Variants in KANSL1 observed in about 807,000 individuals in gnomAD.
KANSL1 encodes the protein KAT8 regulatory NSL complex subunit 1, also known as MLL1/MLL complex subunit KANSL1.
KANSL1 carries 22 observed loss-of-function variants against 103.6 expected under a neutral mutation model. The ratio of observed to expected loss-of-function variants is 0.21; its 90% CI spans 0.15 to 0.30. The LOEUF is 0.30. KANSL1 is among the 10% of genes least tolerant of loss of function. KANSL1 has a pLI of 1.00. For synonymous variants in KANSL1, 600 were observed against 527.6 expected (o/e 1.14, Z -1.88); for missense variants, 1,337 against 1,399.8 (o/e 0.96, Z 0.72).
chr17:46,130,638 A>G (rs1314466441), intron 2 of KANSL1, among the ~76,000 whole-genome samples: 1 of 152,236 alleles, frequency 6.6e-6, no homozygotes, highest in African/African-American at 2.4e-5. Flanking sequence ...GAACACTACA[A>G]TAGCAACAAA....
At chr17:46,067,996 T>C (rs1310071908) in intron 4 of KANSL1, among the ~76,000 whole-genome samples, 3 of 151,940 alleles carry the variant, frequency 2.0e-5, no homozygotes, top group Non-Finnish European at 4.4e-5. Flanking sequence ...AATATTATAT[T>C]AGCTTTTGCT....
chr17:46,109,891 A>G (rs9303525), intron 2 of KANSL1, among the ~76,000 whole-genome samples: 34,420 of 151,916 alleles, frequency 0.23, 4,474 homozygotes, highest in African/African-American at 0.32. Context: ...AACAGGAACC[A>G]GAGACCCAAG....
intron 3 of KANSL1, chr17:46,093,754 T>G (rs2079507743): frequency 6.6e-6 from 1 of 152,246 alleles, no homozygotes; most frequent in South Asian, 2.1e-4. Context: ...CAATAGACTT[T>G]TTCTAGACAT....
At chr17:46,105,281 G>A (rs1471564855) in intron 2 of KANSL1, among the ~76,000 whole-genome samples, 2 of 152,234 alleles carry the variant, frequency 1.3e-5, no homozygotes, top group Non-Finnish European at 2.9e-5. Context: ...ACTGAGGTTA[G>A]AATGTTCAAA....
intron 2 of KANSL1, among the ~76,000 whole-genome samples, chr17:46,134,702 G>A (rs754242051): frequency 2.0e-5 from 3 of 151,888 alleles, no homozygotes; most frequent in African/African-American, 4.8e-5. Context: ...AAAATTAATC[G>A]AGCACGGTGG....
chr17:46,031,617 T>G lies in KANSL1; in HGVS notation c.3177A>C (p.Arg1059=). The G allele has an allele frequency of 6.2e-7, 1 of 1,614,116 alleles. No homozygotes were observed. Among genetic ancestry groups the G allele is most frequent in the Non-Finnish European group, 8.5e-7 (1 of 1,179,996 alleles). The change falls in exon 15 of 15, where the codon CGA becomes CGC. Residue 1059 remains arginine, a synonymous_variant. Transcript: ENST00000432791. ...ECEDQLDAQE[R]AARCTRRTSG... The stretch of plus-strand genomic sequence containing the variant: ...AGGTGCGTCGAGTGCAGCGGGCTGC[T>G]CGCTCCTGTGCATCCAGCTGGTCCT...
At chr17:46,209,269 T>C (rs2048082062) in intron 1 of KANSL1, among the ~76,000 whole-genome samples, 1 of 152,162 alleles carries the variant, frequency 6.6e-6, no homozygotes. Context: ...GATGGGTCAC[T>C]TGATAAGTGG....
chr17:46,160,613 C>A (rs1397302604), intron 2 of KANSL1, among the ~76,000 whole-genome samples: 1 of 152,156 alleles, frequency 6.6e-6, no homozygotes, highest in Non-Finnish European at 1.5e-5. Flanking sequence ...AACTTCTACT[C>A]CACAAAAGAA....
chr17:46,038,507 G>T (rs770587918), intron 10 of KANSL1, 31 bp downstream of exon 10: 1 of 1,610,210 alleles, frequency 6.2e-7, no homozygotes, highest in Non-Finnish European at 8.5e-7. Flanking sequence ...CTGCAGAGGG[G>T]GTGTCCGGCC....
intron 2 of KANSL1, among the ~76,000 whole-genome samples, chr17:46,114,726 A>G (rs998049320): frequency 6.6e-6 from 1 of 152,244 alleles, no homozygotes; most frequent in Non-Finnish European, 1.5e-5. Context: ...AAAAATGACA[A>G]TATCTTGTTT....
chr17:46,077,995 A>T (rs115625038), intron 4 of KANSL1, among the ~76,000 whole-genome samples: 254 of 152,072 alleles, frequency 1.7e-3, no homozygotes, highest in African/African-American at 5.7e-3. Flanking sequence ...TATGTATGGT[A>T]ATTTTCTATT....
chr17:46,088,282 ACT>A (rs1324182376), intron 3 of KANSL1: 1 of 151,936 alleles, frequency 6.6e-6, no homozygotes, highest in Non-Finnish European at 1.5e-5. Context: ...TCCTTACATC[ACT>A]CTATCAGGTC....
At chr17:46,130,128 A>AAC (rs1401084569) in intron 2 of KANSL1, among the ~76,000 whole-genome samples, 1 of 147,224 alleles carries the variant, frequency 6.8e-6, no homozygotes, top group Non-Finnish European at 1.5e-5. Flanking sequence ...TAGAGGGTGC[A>AAC]GTGAGCTGAG....
At chr17:46,032,930 C>G (rs2077049643) in intron 13 of KANSL1, 150 bp downstream of exon 13, 1 of 627,844 alleles carries the variant, frequency 1.6e-6, no homozygotes, top group Admixed American at 3.1e-5. Flanking sequence ...CCAACAAACA[C>G]CAAGGAAATT....
chr17:46,044,160 T>C (rs189576358), intron 7 of KANSL1: 12 of 152,190 alleles, frequency 7.9e-5, no homozygotes, highest in Non-Finnish European at 1.3e-4. Context: ...ACACCAGAGA[T>C]CCATTCAGCT....
At chr17:46,069,613 G>A (rs1475430197) in intron 4 of KANSL1, among the ~76,000 whole-genome samples, 6 of 151,808 alleles carry the variant, frequency 4.0e-5, no homozygotes, top group African/African-American at 7.3e-5. Context: ...GCATGGTGGC[G>A]CCTGTCTGTA....
intron 2 of KANSL1, among the ~76,000 whole-genome samples, chr17:46,101,756 A>T (rs2042329063): frequency 7.9e-5 from 1 of 12,670 alleles, no homozygotes; most frequent in Non-Finnish European, 2.6e-4. Context: ...TCTGTCTACA[A>T]AAAAAAAAAA....
At chr17:46,187,254 C>T (rs902590413) in intron 1 of KANSL1, among the ~76,000 whole-genome samples, 1 of 152,168 alleles carries the variant, frequency 6.6e-6, no homozygotes, top group African/African-American at 2.4e-5. Flanking sequence ...TTTTTTATTC[C>T]CTAATACTTA....
At chr17:46,040,292 T>C (rs1483541879) in intron 7 of KANSL1, 1 of 197,366 alleles carries the variant, frequency 5.1e-6, no homozygotes, top group Non-Finnish European at 1.0e-5. Flanking sequence ...TTATCTATGT[T>C]ATCAGGCACT....
Sources: allele counts gnomAD v4.1 joint callset (sites outside exome capture counted in the v4.1 genomes callset), GRCh38; gene constraint gnomAD v4.1.1; transcripts MANE v1.5; gene names NCBI Gene and HGNC (gene_info 2026-07-23, HGNC 2026-07-21).